The following ZYG11A variants were observed in gnomAD, a reference collection of about 807,000 sequenced individuals.
ZYG11A encodes zyg-11 family member A, cell cycle regulator, also known as protein zyg-11 homolog A.
In ZYG11A, 62 loss-of-function variants were observed where a neutral mutation model predicts 77.2. The observed-to-expected ratio is 0.80, with a 90% CI of 0.65 to 0.99. ZYG11A has a LOEUF of 0.99. Among genes scored for constraint, ZYG11A ranks in the 50% least tolerant of loss-of-function variants. The pLI is 0.00. For missense variants in ZYG11A, 828 were observed against 896.8 expected (o/e 0.92, Z 0.98); for synonymous variants, 315 against 324.6 (o/e 0.97, Z 0.32).
intron 11 of ZYG11A, among the ~76,000 whole-genome samples, chr1:52,883,258 A>C (rs926288565): frequency 6.7e-5 from 10 of 150,110 alleles, no homozygotes; most frequent in Non-Finnish European, 1.2e-4. Flanking sequence ...CTGGGATTAC[A>C]GGTGTGGTAA....
At chr1:52,872,165 A>C (rs1041679724) in intron 8 of ZYG11A, among the ~76,000 whole-genome samples, 2 of 151,854 alleles carry the variant, frequency 1.3e-5, no homozygotes, top group African/African-American at 4.8e-5. Context: ...GCAATGGCTC[A>C]ATCTCGGCTC....
intron 13 of ZYG11A, among the ~76,000 whole-genome samples, chr1:52,888,551 TTTCACCATGTTGGCCAGGC>T (rs1646486516): frequency 6.6e-6 from 1 of 152,024 alleles, no homozygotes; most frequent in Non-Finnish European, 1.5e-5. Context: ...AGAGACAGAG[TTTCACCATGTTGGCCAGGC>T]TGGTCTCGAA....
At chr1:52,886,861 CATT>C in intron 12 of ZYG11A, 92 bp from the exon 13 acceptor site, 1 of 408,400 alleles carries the variant, frequency 2.4e-6, no homozygotes, top group Non-Finnish European at 4.2e-6. Flanking sequence ...AAATTATATA[CATT>C]ATTATATTAA....
intron 1 of ZYG11A, among the ~76,000 whole-genome samples, chr1:52,852,391 G>C (rs894519947): frequency 4.2e-4 from 61 of 144,598 alleles, no homozygotes; most frequent in Non-Finnish European, 4.2e-4. Context: ...TTTTTTTGAG[G>C]TAGAGTCTGT....
At chr1:52,850,950 T>C (rs1645698005) in intron 1 of ZYG11A, among the ~76,000 whole-genome samples, 3 of 152,356 alleles carry the variant, frequency 2.0e-5, no homozygotes, top group East Asian at 1.9e-4. Flanking sequence ...GACTTTTTTT[T>C]CCTGCTTCTC....
intron 1 of ZYG11A, among the ~76,000 whole-genome samples, chr1:52,849,913 C>T (rs1011607220): frequency 6.8e-6 from 1 of 147,602 alleles, no homozygotes; most frequent in Non-Finnish European, 1.5e-5. Flanking sequence ...CTCCATCTGC[C>T]GACCTCGTGA....
rs1645912389 is a variant in ZYG11A, at chr1:52,860,759, T to C, written c.1037T>C (p.Ile346Thr). 3 of 1,551,746 alleles carry C rather than the reference T, an allele frequency of 1.9e-6. No homozygotes were observed. The highest frequency in any genetic ancestry group is 2.6e-6 in the Non-Finnish European group (3 of 1,146,990). Residue 346 changes from isoleucine (I) to threonine (T), a missense_variant, in exon 4 of 14, where the codon ATT becomes ACT. Physicochemically the swap from Ile to Thr is moderately conservative, Grantham distance 89. Coordinates refer to ENST00000371528, the MANE Select transcript of ZYG11A (RefSeq NM_001004339.3). ...RVAGGASMSQ[I>T]SEALSRYRNR... is the part of the protein sequence containing the mutation. ...GCTGGAGGAGCCAGTATGAGTCAGA[T>C]TTCAGAAGCACTGAGCCGATACAGG...
In ZYG11A at chr1:52,864,103, A is replaced by G. The variant is rs1295824609; in HGVS notation, c.1272A>G (p.Ser424=). 1.9e-6 allele frequency: 3 copies of G among 1,551,990 alleles called. No homozygotes were observed. The highest frequency in any genetic ancestry group is 2.6e-6 in the Non-Finnish European group (3 of 1,147,052). ...AGGGGATGCCTGTTCGCCTGTTGTC[A>G]GAGGTCACCTGTCTACTTTTCAAGG... ...LAKGMPVRLL[S]EVTCLLFKAL... Residue 424 remains serine, a synonymous_variant, in exon 5 of 14, where the codon TCA becomes TCG. Coordinates refer to ENST00000371528, the MANE Select transcript of ZYG11A (RefSeq NM_001004339.3).
rs138031426 is a variant in ZYG11A at position 52,852,574 on chromosome 1, G to A, written c.91-1891G>A. On this transcript the variant is annotated intron_variant, in intron 1 of 13. Transcript: ENST00000371528. The stretch of plus-strand genomic sequence containing the variant: ...GAACAGGGTTTTGCTATGTTGGCCA[G>A]GCTGGTCTCAAACTCATGACCTCAA... Among the ~76,000 whole-genome samples, 855 of 152,044 alleles carry A rather than the reference G, an allele frequency of 5.6e-3. 8 individuals carry two copies. The highest frequency in any genetic ancestry group is 0.02 in the African/African-American group (824 of 41,454).
chr1:52,854,079 A>G (rs1355664773), intron 1 of ZYG11A, among the ~76,000 whole-genome samples: 1 of 152,184 alleles, frequency 6.6e-6, no homozygotes, highest in Non-Finnish European at 1.5e-5. Flanking sequence ...ACAATACAGT[A>G]TAAAGGATTT....
intron 2 of ZYG11A, among the ~76,000 whole-genome samples, chr1:52,856,327 C>A (rs1230226912): frequency 2.0e-5 from 3 of 151,622 alleles, no homozygotes; most frequent in Admixed American, 6.6e-5. Flanking sequence ...TGTAGTAGGC[C>A]AGGTGCAGTG....
intron 8 of ZYG11A, among the ~76,000 whole-genome samples, chr1:52,870,727 G>A (rs1646143577): frequency 1.3e-5 from 2 of 152,182 alleles, no homozygotes; most frequent in East Asian, 1.9e-4. Flanking sequence ...CAGGCGTGAC[G>A]GCGCGCGCCT....
At chr1:52,870,578 G>A (rs1646139007) in intron 8 of ZYG11A, among the ~76,000 whole-genome samples, 4 of 152,244 alleles carry the variant, frequency 2.6e-5, no homozygotes, top group Admixed American at 6.5e-5. Context: ...ACCATTGAGC[G>A]CTGAGTGAAC....
chr1:52,845,889 A>G (rs1645566101), intron 1 of ZYG11A, among the ~76,000 whole-genome samples: 1 of 151,572 alleles, frequency 6.6e-6, no homozygotes, highest in Admixed American at 6.6e-5. Flanking sequence ...TGCCCAGGCT[A>G]GTCTCAGACT....
chr1:52,876,702 C>G (rs960496860), intron 8 of ZYG11A, among the ~76,000 whole-genome samples: 12 of 152,180 alleles, frequency 7.9e-5, no homozygotes, highest in Admixed American at 7.2e-4. Context: ...ACACTCTTCT[C>G]TTGACTCTCA....
intron 11 of ZYG11A, among the ~76,000 whole-genome samples, chr1:52,883,471 G>A (rs140708928): frequency 0.021 from 2,998 of 141,134 alleles, 47 homozygotes; most frequent in South Asian, 0.038. Flanking sequence ...TCTGTTGCCC[G>A]GGCTGGAGTG....
chr1:52,877,866 A>G, intron 9 of ZYG11A, 23 bp downstream of exon 9: 1 of 1,551,016 alleles, frequency 6.4e-7, no homozygotes, highest in Non-Finnish European at 8.7e-7. Context: ...GATTGAGTTT[A>G]TATGTAAAGT....
At position 52,872,882 on chromosome 1, in the gene ZYG11A, CAA is replaced by C. The variant is rs59422649; in HGVS notation, c.1543-4784_1543-4783del. Among the ~76,000 whole-genome samples the C allele has an allele frequency of 3.9e-3, 433 of 112,138 alleles. No individual in the cohort carries two copies. In the Middle Eastern group the frequency reaches 0.083, roughly 22 times the overall value. 73.6% of individuals were successfully genotyped at this position (112,138 alleles called of 152,430 possible). On this transcript the variant is annotated intron_variant, in intron 8 of 13. Transcript: ENST00000371528. The stretch of plus-strand genomic sequence containing the variant: ...TGGATGACAGAGTGAGACTCTGTCT[CAA>C]AAAAAAAAAAAAAAAGAAAAGAAAA...
intron 8 of ZYG11A, among the ~76,000 whole-genome samples, chr1:52,870,237 C>A (rs1379747811): frequency 2.1e-5 from 3 of 140,686 alleles, no homozygotes; most frequent in Non-Finnish European, 3.2e-5. Flanking sequence ...GGCGGCCGGG[C>A]AGAGACGCTC....
Sources: gnomAD v4.1 joint callset for allele counts (sites outside exome capture counted in the v4.1 genomes callset) on GRCh38, gnomAD v4.1.1 for gene constraint, MANE v1.5 for transcripts, NCBI Gene and HGNC (gene_info 2026-07-23, HGNC 2026-07-21) for gene names.